The following C10orf90 variants were observed in gnomAD, a reference collection of about 807,000 sequenced individuals.
C10orf90 encodes the protein chromosome 10 open reading frame 90.
C10orf90 carries 56 observed loss-of-function variants against 62.5 expected under a neutral mutation model. The ratio of observed to expected loss-of-function variants is 0.90; its 90% CI spans 0.72 to 1.12. The LOEUF is 1.12. Ranked by LOEUF, C10orf90 falls within the 50% of genes most tolerant of loss-of-function variation. C10orf90 has a pLI of 0.00. For missense variants in C10orf90, 970 were observed against 880.4 expected, an observed-to-expected ratio of 1.10 and a Z score of -1.29; for synonymous variants, 386 against 340.4, an observed-to-expected ratio of 1.13 and a Z score of -1.47.
chr10:126,646,441 C>T (rs2842150), intron 2 of C10orf90, 124 bp downstream of exon 2: 27,053 of 261,020 alleles, frequency 0.1, 1,560 homozygotes, highest in African/African-American at 0.15. Context: ...GCTATCATCT[C>T]ACGTTTGGGG....
chr10:126,571,286 C>G (rs1844500207), intron 2 of C10orf90, among the ~76,000 whole-genome samples: 2 of 152,192 alleles, frequency 1.3e-5, no homozygotes, highest in Admixed American at 6.5e-5. Context: ...GCAGGGGGCT[C>G]CCACAAACTT....
chr10:126,425,334 C>A lies in C10orf90; in HGVS notation c.*530G>T, dbSNP rs888538644. On this transcript the variant is annotated 3_prime_UTR_variant, in exon 10 of 10. Transcript: ENST00000488181. The stretch of plus-strand genomic sequence containing the variant: ...TGTTCCACAGCCTCGGGCATTGCAC[C>A]CACCGGTTTCCAAGTCAGCCTCTAG... 1 of 153,730 alleles carries A rather than the reference C, an allele frequency of 6.5e-6. No individual in the cohort carries two copies. Among genetic ancestry groups the A allele is most frequent in the Non-Finnish European group, 1.4e-5 (1 of 69,176 alleles). 9.5% of individuals were successfully genotyped at this position (153,730 alleles called of 1,614,324 possible). A position where few individuals can be genotyped will look rare whatever the true frequency, so the allele number is the denominator to read the frequency against.
intron 2 of C10orf90, among the ~76,000 whole-genome samples, chr10:126,562,646 A>C (rs1864929000): frequency 6.6e-6 from 1 of 152,110 alleles, no homozygotes. Context: ...ACTATTTTGG[A>C]TTCTGAAGGC....
At chr10:126,599,182 C>CT (rs755259124) in intron 2 of C10orf90, among the ~76,000 whole-genome samples, 4,132 of 128,244 alleles carry the variant, frequency 0.032, 104 homozygotes, top group African/African-American at 0.046. Context: ...GGTTCCACTC[C>CT]TTTTTTTTTT....
chr10:126,500,108 T>A (rs761694984), intron 4 of C10orf90, among the ~76,000 whole-genome samples: 10 of 152,238 alleles, frequency 6.6e-5, no homozygotes, highest in Admixed American at 1.3e-4. Flanking sequence ...TATGGCTTAT[T>A]ACATTTTTTC....
intron 4 of C10orf90, among the ~76,000 whole-genome samples, chr10:126,469,073 G>A (rs566335518): frequency 1.3e-5 from 2 of 152,240 alleles, no homozygotes; most frequent in South Asian, 2.1e-4. Flanking sequence ...TGGTTGCTAA[G>A]GAGAGAAACC....
At chr10:126,439,356 G>T (rs759035914) in intron 7 of C10orf90, among the ~76,000 whole-genome samples, 2 of 152,134 alleles carry the variant, frequency 1.3e-5, no homozygotes, top group Non-Finnish European at 2.9e-5. Flanking sequence ...TGGAAGAGGT[G>T]ACTGCTCCAT....
chr10:126,524,781 C>A, intron 2 of C10orf90: 2 of 985,488 alleles, frequency 2.0e-6, no homozygotes, highest in Non-Finnish European at 2.4e-6. Flanking sequence ...GAGGGCTTGT[C>A]CTACAAGAGC....
intron 2 of C10orf90, among the ~76,000 whole-genome samples, chr10:126,551,231 G>A (rs943587013): frequency 1.3e-5 from 2 of 152,192 alleles, no homozygotes; most frequent in Non-Finnish European, 2.9e-5. Flanking sequence ...CTTGAGACTA[G>A]AGAGAACATT....
At position 126,649,020 on chromosome 10, in the gene C10orf90, CTCTCTCTGTCTCTG is replaced by C. The variant is rs1564908973; in HGVS notation, c.241-2397_241-2384del. Among the ~76,000 whole-genome samples, 135 of 76,994 alleles carry C rather than the reference CTCTCTCTGTCTCTG, an allele frequency of 1.8e-3. 1 individual carries two copies. The highest frequency in any genetic ancestry group is 3.2e-3 in the South Asian group (6 of 1,872). 50.5% of individuals were successfully genotyped at this position (76,994 alleles called of 152,430 possible). On this transcript the variant is annotated intron_variant, in intron 1 of 9. Transcript: ENST00000488181. The stretch of plus-strand genomic sequence containing the variant: ...TTTGGATCACAGATGATATCTCTCT[CTCTCTCTGTCTCTG>C]TCTCTCTCTCTCTCTCTCTCTCTCT...
At chr10:126,576,768 T>G in intron 2 of C10orf90, among the ~76,000 whole-genome samples, 1 of 142,112 alleles carries the variant, frequency 7.0e-6, no homozygotes, top group African/African-American at 2.6e-5. Flanking sequence ...AATATGTATA[T>G]GTACATATAC....
At chr10:126,562,759 G>A (rs970949850) in intron 2 of C10orf90, among the ~76,000 whole-genome samples, 1 of 152,206 alleles carries the variant, frequency 6.6e-6, no homozygotes, top group South Asian at 2.1e-4. Context: ...AATATCCAGG[G>A]AGCAGAGCCT....
chr10:126,515,306 G>C (rs983149675), intron 2 of C10orf90, among the ~76,000 whole-genome samples: 1 of 152,090 alleles, frequency 6.6e-6, no homozygotes, highest in African/African-American at 2.4e-5. Context: ...TACTGTCCTA[G>C]GCCTCCCCAT....
rs377341185 is a variant in C10orf90, at chr10:126,512,288, A to AGTGT, written c.405+1556_405+1559dup. ...AGAGAGAGAGAGAAAGAGAGACAGAAGTGTGTGTGTGTGTGTGTGTCTGTG... is the reference window on the plus strand; with the variant it reads ...AGAGAGAGAGAGAAAGAGAGACAGAAGTGTGTGTGTGTGTGTGTGTGTGTCTGTG... On this transcript the variant is annotated intron_variant, in intron 3 of 9. Transcript: ENST00000488181. Among the ~76,000 whole-genome samples the AGTGT allele has an allele frequency of 2.1e-3, 306 of 144,708 alleles. 2 individuals are homozygous for AGTGT. Among genetic ancestry groups the AGTGT allele is most frequent in the African/African-American group, 7.3e-3 (280 of 38,494 alleles). The allele number at this position is 144,708 out of a possible 152,430, so 94.9% of individuals were successfully genotyped here.
intron 2 of C10orf90, among the ~76,000 whole-genome samples, chr10:126,524,007 A>G (rs1863857783): frequency 6.6e-6 from 1 of 152,242 alleles, no homozygotes; most frequent in African/African-American, 2.4e-5. Flanking sequence ...GCTATTACAA[A>G]TAATGCTGCA....
chr10:126,526,175 T>C (rs899104455), intron 2 of C10orf90, among the ~76,000 whole-genome samples: 5 of 151,908 alleles, frequency 3.3e-5, no homozygotes, highest in African/African-American at 7.3e-5. Context: ...CTCTGACTTT[T>C]AGTTACATTC....
At chr10:126,532,996 T>G (rs532351384) in intron 2 of C10orf90, among the ~76,000 whole-genome samples, 32 of 150,738 alleles carry the variant, frequency 2.1e-4, no homozygotes, top group Admixed American at 1.3e-4. Context: ...GCAGTGGCGC[T>G]ATCTCGGCTC....
At chr10:126,540,440 C>T (rs1292216218) in intron 2 of C10orf90, among the ~76,000 whole-genome samples, 2 of 152,160 alleles carry the variant, frequency 1.3e-5, no homozygotes, top group African/African-American at 4.8e-5. Context: ...AGGAGGATCA[C>T]TTGAGCCCAG....
At chr10:126,499,223 GT>G (rs1224389363) in intron 4 of C10orf90, among the ~76,000 whole-genome samples, 3 of 152,170 alleles carry the variant, frequency 2.0e-5, no homozygotes, top group Non-Finnish European at 4.4e-5. Flanking sequence ...AGACAGAACA[GT>G]TAAGATGGTG....
Sources: allele counts gnomAD v4.1 joint callset (sites outside exome capture counted in the v4.1 genomes callset), GRCh38; gene constraint gnomAD v4.1.1; transcripts MANE v1.5; gene names NCBI Gene and HGNC (gene_info 2026-07-23, HGNC 2026-07-21).